RTN1: variants seen among roughly 807,000 people sequenced by gnomAD.
RTN1 encodes the protein reticulon 1, also known as reticulon-1.
A neutral mutation model predicts 65.5 loss-of-function variants in RTN1; 25 were observed. The observed-to-expected ratio is 0.38, with a 90% CI of 0.28 to 0.53. The LOEUF is 0.53. Ranked by LOEUF, RTN1 falls within the 20% of genes least tolerant of loss-of-function variation. RTN1 has a pLI of 0.79. For synonymous variants in RTN1, 471 were observed against 447.6 expected, an observed-to-expected ratio of 1.05 and a Z score of -0.66; for missense variants, 983 against 1,025.4, an observed-to-expected ratio of 0.96 and a Z score of 0.57.
intron 1 of RTN1, among the ~76,000 whole-genome samples, chr14:59,783,901 C>G (rs562463365): frequency 6.8e-5 from 10 of 146,146 alleles, no homozygotes; most frequent in Non-Finnish European, 1.5e-4. Flanking sequence ...TTATAATTTT[C>G]CAATCTGGGG....
At chr14:59,838,407 C>T (rs1887251384) in intron 1 of RTN1, among the ~76,000 whole-genome samples, 1 of 152,066 alleles carries the variant, frequency 6.6e-6, no homozygotes. Context: ...CAAACAACCA[C>T]GTATAGGAAT....
intron 3 of RTN1, among the ~76,000 whole-genome samples, chr14:59,648,086 A>G (rs1255783371): frequency 1.3e-5 from 2 of 152,224 alleles, no homozygotes; most frequent in African/African-American, 2.4e-5. Context: ...ACACAATCAG[A>G]AATGACAAAT....
At chr14:59,630,885 G>A (rs1446020422) in intron 3 of RTN1, 2 of 978,558 alleles carry the variant, frequency 2.0e-6, no homozygotes, top group Non-Finnish European at 1.2e-6. Flanking sequence ...TGACGGTGGG[G>A]GTGAGAGGAG....
At chr14:59,653,182 T>C (rs1566673500) in intron 3 of RTN1, among the ~76,000 whole-genome samples, 1 of 152,188 alleles carries the variant, frequency 6.6e-6, no homozygotes, top group African/African-American at 2.4e-5. Flanking sequence ...AATGACTCAT[T>C]GCATGCAGGA....
Position 59,700,907 on chromosome 14 carries a change from A to G in RTN1, c.1765+26012T>C, listed in dbSNP as rs147320581. On this transcript the variant is annotated intron_variant, in intron 3 of 8. Coordinates refer to ENST00000267484, the MANE Select transcript of RTN1 (RefSeq NM_021136.3). ...TAAAAACTTTTATTTATCAAAGGAC[A>G]CCATCAAGAAAGTGAAAACACAATC... 3.6e-4 allele frequency among the ~76,000 whole-genome samples: 55 copies of G among 152,294 alleles called. No individual in the cohort carries two copies. The East Asian group carries it at 5.4e-3, about 15-fold the overall frequency.
intron 1 of RTN1, among the ~76,000 whole-genome samples, chr14:59,760,584 A>C (rs1885728995): frequency 6.6e-6 from 1 of 152,258 alleles, no homozygotes; most frequent in Admixed American, 6.5e-5. Context: ...GGGAACCCCC[A>C]GCCCAGCTTC....
At chr14:59,749,566 TAG>T (rs1182704883) in intron 1 of RTN1, among the ~76,000 whole-genome samples, 3 of 42,804 alleles carry the variant, frequency 7.0e-5, no homozygotes, top group Admixed American at 4.2e-4. Flanking sequence ...TATCTATATA[TAG>T]ATATATATAT....
chr14:59,649,804 A>C (rs981520004), intron 3 of RTN1, among the ~76,000 whole-genome samples: 7 of 152,214 alleles, frequency 4.6e-5, no homozygotes, highest in African/African-American at 1.7e-4. Context: ...TGTTGGTGGG[A>C]GTGTAAATTA....
At chr14:59,713,327 G>A (rs1884463508) in intron 3 of RTN1, among the ~76,000 whole-genome samples, 1 of 152,194 alleles carries the variant, frequency 6.6e-6, no homozygotes, top group African/African-American at 2.4e-5. Flanking sequence ...GATTCTAGTT[G>A]CGGATTCCCA....
At chr14:59,604,644 G>A (rs1359661531) in intron 5 of RTN1, 1 of 152,254 alleles carries the variant, frequency 6.6e-6, no homozygotes, top group Admixed American at 6.5e-5. Context: ...TCTTTGAACA[G>A]TTACCAGACA....
rs1887467091 is a variant in RTN1, at chr14:59,849,504, AT to A, written c.241+20885del. Among the ~76,000 whole-genome samples, 1 of 152,304 alleles carries A rather than the reference AT, an allele frequency of 6.6e-6. No individual in the cohort carries two copies. The highest frequency in any genetic ancestry group is 2.1e-4 in the South Asian group (1 of 4,828). ...AAAACCCTCAGCTAAATTCTTCTCC[AT>A]TTAGATAAAGTTAATATGAGTCTTT... On this transcript the variant is annotated intron_variant, in intron 1 of 8. Transcript: ENST00000267484. The surrounding 1 kb of genome is among the most constrained non-coding windows in gnomAD (Gnocchi z 4.5).
intron 1 of RTN1, among the ~76,000 whole-genome samples, chr14:59,822,863 G>C (rs1256195519): frequency 6.6e-6 from 1 of 151,152 alleles, no homozygotes; most frequent in African/African-American, 2.4e-5. Flanking sequence ...CCAAGAGTAT[G>C]GTTGGTATAA....
intron 1 of RTN1, among the ~76,000 whole-genome samples, chr14:59,796,265 G>A (rs570509961): frequency 6.6e-6 from 1 of 152,268 alleles, no homozygotes; most frequent in Non-Finnish European, 1.5e-5. Flanking sequence ...GCCTAGGTAT[G>A]TAGCGAACTA....
chr14:59,833,935 C>T (rs1269462792), intron 1 of RTN1, among the ~76,000 whole-genome samples: 1 of 152,080 alleles, frequency 6.6e-6, no homozygotes, highest in Non-Finnish European at 1.5e-5. Context: ...TTAAGAAAAA[C>T]CAAGTTGGAG....
intron 3 of RTN1, among the ~76,000 whole-genome samples, chr14:59,629,882 C>A (rs952046114): frequency 1.3e-5 from 2 of 152,210 alleles, no homozygotes; most frequent in Non-Finnish European, 2.9e-5. Context: ...CCAAATATTT[C>A]AAAGTGAACC....
At position 59,746,063 on chromosome 14, in the gene RTN1, C is replaced by A; in HGVS notation, c.660G>T (p.Leu220Phe). ...QHHPELEDKD[L>F]DFKNKDTDIS... The stretch of plus-strand genomic sequence containing the variant: ...TGTCAGTGTCTTTATTCTTAAAGTC[C>A]AAGTCTTTATCTTCCAGCTCGGGGT... Residue 220 changes from leucine (L) to phenylalanine (F), a missense_variant, in exon 2 of 9, where the codon TTG (leucine) becomes TTT (phenylalanine). Leu to Phe is a conservative substitution (Grantham distance 22, BLOSUM62 0). Around this residue, in one of 2 missense-constraint regions of RTN1, gnomAD observed 818 missense variants for 801.8 expected, o/e 1.02. Coordinates refer to ENST00000267484, the MANE Select transcript of RTN1 (RefSeq NM_021136.3). 4 of 1,613,984 alleles carry A rather than the reference C, an allele frequency of 2.5e-6. No individual in the cohort carries two copies. The highest frequency in any genetic ancestry group is 3.4e-6 in the Non-Finnish European group (4 of 1,179,984).
intron 2 of RTN1, among the ~76,000 whole-genome samples, chr14:59,743,688 G>T (rs573447353): frequency 1.3e-5 from 2 of 151,474 alleles, no homozygotes; most frequent in South Asian, 4.2e-4. Flanking sequence ...TGTCCATGCA[G>T]CTCCTCAGAC....
intron 1 of RTN1, among the ~76,000 whole-genome samples, chr14:59,847,394 A>G (rs925998736): frequency 3.9e-5 from 6 of 152,208 alleles, no homozygotes; most frequent in Non-Finnish European, 8.8e-5. Flanking sequence ...ATAATGATTA[A>G]CCAATGTTTC....
rs1180265066 is a variant in RTN1, at chr14:59,749,338, CTATA to C, written c.242-2861_242-2858del. Among the ~76,000 whole-genome samples, 110 of 26,176 alleles carry C rather than the reference CTATA, an allele frequency of 4.2e-3. 21 individuals carry two copies. Among genetic ancestry groups the C allele is most frequent in the East Asian group, 0.024 (15 of 630 alleles). 17.2% of individuals were successfully genotyped at this position (26,176 alleles called of 152,430 possible). A position where few individuals can be genotyped will look rare whatever the true frequency, so the allele number is the denominator to read the frequency against. On this transcript the variant is annotated intron_variant, in intron 1 of 8. Transcript: ENST00000267484. ...TATATATCTATATATCTATATATAT[CTATA>C]TATATCTATATATATCTATATATAT...
Sources: allele counts gnomAD v4.1 joint callset (sites outside exome capture counted in the v4.1 genomes callset), GRCh38; gene constraint gnomAD v4.1.1; regional missense constraint gnomAD v4.1.1; non-coding constraint Gnocchi (gnomAD v3.1); transcripts MANE v1.5; gene names NCBI Gene and HGNC (gene_info 2026-07-23, HGNC 2026-07-21).